RUNX1: variants seen among roughly 807,000 people sequenced by gnomAD.
The protein encoded by RUNX1 is runt-related transcription factor 1.
Under a neutral mutation model 42.8 loss-of-function variants are expected in RUNX1, and 19 were observed. The ratio of observed to expected loss-of-function variants is 0.44; its 90% CI spans 0.31 to 0.65. RUNX1 has a LOEUF of 0.65. Ranked by LOEUF, RUNX1 falls within the 30% of genes least tolerant of loss-of-function variation. The pLI, the probability that RUNX1 is intolerant of heterozygous loss-of-function variation, is 0.07. For missense variants in RUNX1, 528 were observed against 672.0 expected, an observed-to-expected ratio of 0.79 and a Z score of 2.37; for synonymous variants, 271 against 289.4, an observed-to-expected ratio of 0.94 and a Z score of 0.64.
At chr21:34,897,851 G>C (rs2058142783) in intron 2 of RUNX1, among the ~76,000 whole-genome samples, 1 of 152,122 alleles carries the variant, frequency 6.6e-6, no homozygotes, top group African/African-American at 2.4e-5. Flanking sequence ...TCATGCTCTG[G>C]TTATGTTACA....
chr21:34,989,906 T>C (rs2058923371), intron 2 of RUNX1, among the ~76,000 whole-genome samples: 1 of 152,180 alleles, frequency 6.6e-6, no homozygotes, highest in Non-Finnish European at 1.5e-5. Context: ...GATTACCTCT[T>C]ACGCTCCAAG....
At position 34,792,466 on chromosome 21, in the gene RUNX1, A is replaced by G. The variant is rs922736848; in HGVS notation, c.1112T>C (p.Met371Thr). ...GGTGTGGTAGCGCGTGGCCGAGCCC[A>G]TGGCCGACATGCCGATGCCGATGCC... Reference protein sequence around the residue: ...TSGIGIGMSAMGSATRYHTYL... With the variant: ...TSGIGIGMSATGSATRYHTYL... The change falls in exon 9 of 9, where the codon ATG (methionine) becomes ACG (threonine). Residue 371 changes from methionine to threonine, a missense_variant. By Grantham distance (81) the Met-to-Thr change is moderately conservative. Around this residue, in one of 3 missense-constraint regions of RUNX1, gnomAD observed 331 missense variants for 382.5 expected, o/e 0.87. Transcript: ENST00000675419. The surrounding 1 kb of genome is among the most constrained non-coding windows in gnomAD (Gnocchi z 6.9). 10 of 1,583,892 alleles carry G rather than the reference A, an allele frequency of 6.3e-6. No individual in the cohort carries two copies. In the African/African-American group the frequency reaches 9.4e-5, roughly 15 times the overall value.
chr21:34,855,659 A>G (rs1448280822), intron 6 of RUNX1, among the ~76,000 whole-genome samples: 1 of 152,202 alleles, frequency 6.6e-6, no homozygotes, highest in Non-Finnish European at 1.5e-5. Flanking sequence ...CAGTGAGCCG[A>G]GATTGTGCCA....
intron 7 of RUNX1, among the ~76,000 whole-genome samples, chr21:34,816,038 G>C (rs2056821061): frequency 6.6e-6 from 1 of 152,242 alleles, no homozygotes; most frequent in South Asian, 2.1e-4. Flanking sequence ...TGCCAGCCAG[G>C]CTCTCCCCCC....
At chr21:34,866,237 T>C (rs1182310033) in intron 5 of RUNX1, among the ~76,000 whole-genome samples, 1 of 152,184 alleles carries the variant, frequency 6.6e-6, no homozygotes, top group African/African-American at 2.4e-5. Context: ...TTTTTCACTC[T>C]TGTGTTTGTC....
intron 3 of RUNX1, among the ~76,000 whole-genome samples, chr21:34,889,283 G>A (rs2843723): frequency 6.6e-6 from 1 of 152,114 alleles, no homozygotes; most frequent in Non-Finnish European, 1.5e-5. Flanking sequence ...CGTCCGGCTG[G>A]CAGCTGCGGC....
chr21:34,989,455 G>C (rs189770192), intron 2 of RUNX1, among the ~76,000 whole-genome samples: 1 of 152,052 alleles, frequency 6.6e-6, no homozygotes, highest in East Asian at 1.9e-4. Flanking sequence ...TCAAAGGCAT[G>C]AGGCTGTGCT....
intron 2 of RUNX1, among the ~76,000 whole-genome samples, chr21:34,998,716 T>A (rs1465709818): frequency 2.0e-5 from 3 of 152,068 alleles, no homozygotes; most frequent in Non-Finnish European, 4.4e-5. Flanking sequence ...TAATTTTTTG[T>A]ATTTTTAGTA....
intron 2 of RUNX1, among the ~76,000 whole-genome samples, chr21:34,899,061 G>C (rs368385070): frequency 1.3e-5 from 2 of 152,052 alleles, no homozygotes; most frequent in South Asian, 4.1e-4. Flanking sequence ...TTACTGGCAC[G>C]TGCCACCATG....
intron 2 of RUNX1, among the ~76,000 whole-genome samples, chr21:34,934,678 C>T (rs2058472634): frequency 6.6e-6 from 1 of 152,120 alleles, no homozygotes; most frequent in African/African-American, 2.4e-5. Flanking sequence ...AATATAGGAG[C>T]ATCTTTGTGG....
At chr21:34,999,467 G>A (rs2059023666) in intron 2 of RUNX1, among the ~76,000 whole-genome samples, 1 of 152,228 alleles carries the variant, frequency 6.6e-6, no homozygotes, top group Non-Finnish European at 1.5e-5. Flanking sequence ...TGCGCTTCCT[G>A]ATTCTCAGGC....
At chr21:34,985,804 T>C (rs2058881740) in intron 2 of RUNX1, among the ~76,000 whole-genome samples, 2 of 151,748 alleles carry the variant, frequency 1.3e-5, no homozygotes, top group African/African-American at 4.8e-5. Flanking sequence ...AACGATGTGG[T>C]ATGCGGTGTA....
intron 2 of RUNX1, among the ~76,000 whole-genome samples, chr21:34,905,999 C>T (rs1221746133): frequency 1.3e-5 from 2 of 152,196 alleles, no homozygotes; most frequent in Non-Finnish European, 2.9e-5. Context: ...ATCCTCTCTC[C>T]TGGTGGTCTG....
chr21:34,996,277 CTCTGCCT>C (rs57261942), intron 2 of RUNX1, among the ~76,000 whole-genome samples: 22,098 of 151,848 alleles, frequency 0.15, 1,767 homozygotes, highest in Admixed American at 0.22. Flanking sequence ...GGTGTGATAA[CTCTGCCT>C]AAGAGGGGAT....
intron 2 of RUNX1, among the ~76,000 whole-genome samples, chr21:35,045,353 C>T (rs1304592770): frequency 2.6e-5 from 4 of 152,142 alleles, no homozygotes; most frequent in African/African-American, 9.7e-5. Flanking sequence ...GTCAGATTTG[C>T]TAAGACCCAC....
At chr21:34,918,069 A>C (rs753804654) in intron 2 of RUNX1, among the ~76,000 whole-genome samples, 1 of 143,500 alleles carries the variant, frequency 7.0e-6, no homozygotes, top group Non-Finnish European at 1.5e-5. Context: ...CGGAGATTGC[A>C]GTGAGCTGAG....
At chr21:34,806,765 A>G (rs1161946934) in intron 7 of RUNX1, among the ~76,000 whole-genome samples, 1 of 152,218 alleles carries the variant, frequency 6.6e-6, no homozygotes, top group Non-Finnish European at 1.5e-5. Context: ...TAGAAAGCAT[A>G]CAAAGTATTT....
In RUNX1 at chr21:34,915,636, A is replaced by G. The variant is rs572510610; in HGVS notation, c.59-22673T>C. On this transcript the variant is annotated intron_variant, in intron 2 of 8. Transcript: ENST00000675419. The stretch of plus-strand genomic sequence containing the variant: ...TAACAATCACATGACTACTTTGATC[A>G]TGTATTTTAACATATTTGTTGTTTC... 3.9e-4 allele frequency among the ~76,000 whole-genome samples: 60 copies of G among 152,362 alleles called. 1 individual carries two copies. Among genetic ancestry groups the G allele is most frequent in the African/African-American group, 1.4e-3 (59 of 41,588 alleles).
chr21:35,019,313 C>T (rs1406873036), intron 2 of RUNX1, among the ~76,000 whole-genome samples: 1 of 152,198 alleles, frequency 6.6e-6, no homozygotes, highest in Non-Finnish European at 1.5e-5. Flanking sequence ...GAGACACCTT[C>T]TAGCCTTCCA....
Sources: gnomAD v4.1 joint callset for allele counts (sites outside exome capture counted in the v4.1 genomes callset) on GRCh38, gnomAD v4.1.1 for gene constraint, gnomAD v4.1.1 regional missense constraint, Gnocchi (gnomAD v3.1) non-coding constraint, MANE v1.5 for transcripts, NCBI Gene and HGNC (gene_info 2026-07-23, HGNC 2026-07-21) for gene names.